The following LMBR1 variants were observed in gnomAD, a reference collection of about 807,000 sequenced individuals.
The protein encoded by LMBR1 is limb development membrane protein 1.
Under a neutral mutation model 73.9 loss-of-function variants are expected in LMBR1, and 52 were observed. That is an observed-to-expected ratio of 0.70 (90% confidence interval 0.56 to 0.89). The LOEUF (loss-of-function observed/expected upper bound fraction) is 0.89. Among genes scored for constraint, LMBR1 ranks in the 40% least tolerant of loss-of-function variants. The probability of loss-of-function intolerance (pLI) is 0.00; values close to 1 mark genes in which losing one functional copy is unlikely to be tolerated. For synonymous variants in LMBR1, 215 were observed against 209.4 expected, an observed-to-expected ratio of 1.03 and a Z score of -0.23; for missense variants, 539 against 579.8, an observed-to-expected ratio of 0.93 and a Z score of 0.72.
At chr7:156,792,378 T>TA (rs1206399807) in intron 5 of LMBR1, among the ~76,000 whole-genome samples, 1 of 152,224 alleles carries the variant, frequency 6.6e-6, no homozygotes, top group African/African-American at 2.4e-5. Context: ...TGAACATACC[T>TA]AAAGCTCAAT....
intron 1 of LMBR1, among the ~76,000 whole-genome samples, chr7:156,883,218 G>A (rs1436157935): frequency 6.6e-6 from 1 of 152,046 alleles, no homozygotes; most frequent in Admixed American, 6.6e-5. Context: ...CTGGCCAACA[G>A]GTGAAACCTG....
intron 5 of LMBR1, among the ~76,000 whole-genome samples, chr7:156,788,292 G>C (rs1828524169): frequency 6.6e-6 from 1 of 152,062 alleles, no homozygotes; most frequent in East Asian, 1.9e-4. Flanking sequence ...AAACAGTTTT[G>C]ATCAGCCAAA....
At chr7:156,888,947 G>A (rs957637697) in intron 1 of LMBR1, among the ~76,000 whole-genome samples, 2 of 152,000 alleles carry the variant, frequency 1.3e-5, no homozygotes, top group Non-Finnish European at 2.9e-5. Flanking sequence ...CCAGCTACTC[G>A]GGAGGCTGAG....
chr7:156,752,442 A>C (rs1585560025), intron 9 of LMBR1, among the ~76,000 whole-genome samples: 2 of 152,194 alleles, frequency 1.3e-5, no homozygotes, highest in East Asian at 3.8e-4. Flanking sequence ...AGAGAGTCAG[A>C]AAGAGGAGAA....
chr7:156,690,347 G>T (rs1007833762), intron 15 of LMBR1, among the ~76,000 whole-genome samples: 1 of 152,138 alleles, frequency 6.6e-6, no homozygotes, highest in African/African-American at 2.4e-5. Flanking sequence ...CTTACTTTAT[G>T]AATGCAAGGA....
In LMBR1 at chr7:156,779,376, A is replaced by G. The variant is rs1826715096; in HGVS notation, c.424-15581T>C. On this transcript the variant is annotated intron_variant, in intron 5 of 16. Transcript: ENST00000353442. ...AGTACTTTTCTGCCAATGAAACATGAGTTGTTTTGAGTAAGCTATAGAATT... is the reference window on the plus strand; with the variant it reads ...AGTACTTTTCTGCCAATGAAACATGGGTTGTTTTGAGTAAGCTATAGAATT... 6.6e-6 allele frequency among the ~76,000 whole-genome samples: 1 copy of G among 152,204 alleles called. No homozygotes were observed. The highest frequency in any genetic ancestry group is 1.5e-5 in the Non-Finnish European group (1 of 68,032).
At chr7:156,890,633 A>G (rs900938704) in intron 1 of LMBR1, among the ~76,000 whole-genome samples, 6 of 152,250 alleles carry the variant, frequency 3.9e-5, no homozygotes, top group African/African-American at 1.4e-4. Context: ...AATTATTTGT[A>G]TGATGAACAC....
intron 9 of LMBR1, among the ~76,000 whole-genome samples, chr7:156,738,100 CT>C (rs1250536842): frequency 1.3e-5 from 2 of 152,214 alleles, no homozygotes; most frequent in Non-Finnish European, 2.9e-5. Context: ...CAGCCTTGAA[CT>C]GCCGATGCCA....
rs560474275 is a variant in LMBR1 at position 156,669,845 on chromosome 7, C to G, written n.867-558G>C. 5.3e-5 allele frequency among the ~76,000 whole-genome samples: 8 copies of G among 152,154 alleles called. No individual in the cohort carries two copies. Among genetic ancestry groups the G allele is most frequent in the Admixed American group, 3.9e-4 (6 of 15,280 alleles). ...TAACCAGATGAGACGTGCAGTTGGGCCTGCAGCACGCAGGGCTTGGGGACT... is the reference window on the plus strand; with the variant it reads ...TAACCAGATGAGACGTGCAGTTGGGGCTGCAGCACGCAGGGCTTGGGGACT... On this transcript the variant is annotated intron_variant and non_coding_transcript_variant, in intron 4 of 4. Transcript: ENST00000430825. The surrounding 1 kb of genome is among the most constrained non-coding windows in gnomAD (Gnocchi z 4.2).
intron 4 of LMBR1, among the ~76,000 whole-genome samples, chr7:156,816,386 A>T (rs76418183): frequency 6.6e-6 from 1 of 152,072 alleles, no homozygotes; most frequent in Non-Finnish European, 1.5e-5. Flanking sequence ...TTGTATTTTT[A>T]GTAGTGATGG....
intron 5 of LMBR1, among the ~76,000 whole-genome samples, chr7:156,780,330 T>C (rs1353764351): frequency 1.3e-5 from 2 of 152,224 alleles, no homozygotes; most frequent in Non-Finnish European, 2.9e-5. Flanking sequence ...TGCCAGTTCA[T>C]TGAATTAACA....
downstream of LMBR1, chr7:156,676,398 T>C (rs1456399259): frequency 1.4e-5 from 23 of 1,614,152 alleles, no homozygotes; most frequent in Non-Finnish European, 1.9e-5. Flanking sequence ...GCGTGGCCTC[T>C]TCCCGTCCTG....
chr7:156,748,511 C>T (rs768404274), intron 9 of LMBR1, among the ~76,000 whole-genome samples: 23 of 151,900 alleles, frequency 1.5e-4, no homozygotes, highest in African/African-American at 5.1e-4. Flanking sequence ...TTTATTGAGG[C>T]GGAGTCTTGC....
At chr7:156,748,453 G>C (rs996175792) in intron 9 of LMBR1, among the ~76,000 whole-genome samples, 1 of 151,922 alleles carries the variant, frequency 6.6e-6, no homozygotes, top group Non-Finnish European at 1.5e-5. Flanking sequence ...AAAGTAGCTC[G>C]GGTATATTAA....
intron 1 of LMBR1, among the ~76,000 whole-genome samples, chr7:156,841,856 A>AT (rs554358604): frequency 4.8e-4 from 73 of 152,244 alleles, no homozygotes; most frequent in Non-Finnish European, 9.1e-4. Flanking sequence ...ATGTGAAGGG[A>AT]TTGTGACGTG....
chr7:156,712,787 T>C (rs1345103633), intron 15 of LMBR1, among the ~76,000 whole-genome samples: 1 of 152,186 alleles, frequency 6.6e-6, no homozygotes, highest in East Asian at 1.9e-4. Context: ...TTCTCAATTA[T>C]AGATGGGAGC....
intron 15 of LMBR1, among the ~76,000 whole-genome samples, chr7:156,707,838 C>A (rs1811284232): frequency 6.6e-6 from 1 of 152,062 alleles, no homozygotes; most frequent in Admixed American, 6.6e-5. Context: ...CTAGCCAGAA[C>A]AATCAGGCAA....
At chr7:156,694,676 A>C (rs935696666) in intron 15 of LMBR1, among the ~76,000 whole-genome samples, 1 of 152,222 alleles carries the variant, frequency 6.6e-6, no homozygotes, top group Admixed American at 6.5e-5. Flanking sequence ...AGAAAATCTT[A>C]AGGACTCCAT....
At chr7:156,758,875 C>T (rs1200143828) in intron 8 of LMBR1, among the ~76,000 whole-genome samples, 1 of 152,180 alleles carries the variant, frequency 6.6e-6, no homozygotes, top group Non-Finnish European at 1.5e-5. Context: ...CTTATGAGCA[C>T]CATCCTCCTT....
Sources: allele counts gnomAD v4.1 joint callset (sites outside exome capture counted in the v4.1 genomes callset), GRCh38; gene constraint gnomAD v4.1.1; non-coding constraint Gnocchi (gnomAD v3.1); transcripts MANE v1.5; gene names NCBI Gene and HGNC (gene_info 2026-07-23, HGNC 2026-07-21).